Variants in FAM227A observed in about 807,000 individuals in gnomAD.
FAM227A encodes family with sequence similarity 227 member A, also known as protein FAM227A.
In FAM227A, 80 loss-of-function variants were observed where a neutral mutation model predicts 74.7. That is an observed-to-expected ratio of 1.07 (90% CI 0.89 to 1.29). The LOEUF is 1.29. Ranked by LOEUF, FAM227A falls within the 50% of genes most tolerant of loss-of-function variation. FAM227A has a pLI of 0.00. For missense variants in FAM227A, 654 were observed against 683.4 expected, an observed-to-expected ratio of 0.96 and a Z score of 0.48; for synonymous variants, 237 against 241.8, an observed-to-expected ratio of 0.98 and a Z score of 0.19.
chr22:38,596,666 T>C (rs984314008), intron 15 of FAM227A, among the ~76,000 whole-genome samples: 1 of 151,460 alleles, frequency 6.6e-6, no homozygotes, highest in Non-Finnish European at 1.5e-5. Context: ...GACAGTTCAG[T>C]GTACTATCCT....
At chr22:38,612,519 G>A (rs2091434600) in intron 11 of FAM227A, among the ~76,000 whole-genome samples, 1 of 152,056 alleles carries the variant, frequency 6.6e-6, no homozygotes, top group Non-Finnish European at 1.5e-5. Flanking sequence ...GGTATCTTCT[G>A]GGGTCATTAC....
At chr22:38,630,630 T>A (rs529158940) in intron 6 of FAM227A, among the ~76,000 whole-genome samples, 1 of 152,340 alleles carries the variant, frequency 6.6e-6, no homozygotes, top group South Asian at 2.1e-4. Flanking sequence ...ACTGATTGTT[T>A]ATTCATTCAC....
chr22:38,626,131 A>C, intron 9 of FAM227A, 49 bp downstream of exon 9: 4 of 1,545,522 alleles, frequency 2.6e-6, no homozygotes, highest in Non-Finnish European at 3.5e-6. Context: ...GCCAGCGGAA[A>C]ACATTTTTCT....
At chr22:38,595,275 A>C (rs1268055876) in intron 15 of FAM227A, among the ~76,000 whole-genome samples, 2 of 152,184 alleles carry the variant, frequency 1.3e-5, no homozygotes, top group Non-Finnish European at 2.9e-5. Flanking sequence ...TTGGACAACA[A>C]AGTGCCCAGT....
chr22:38,642,662 G>A (rs2092141703), intron 3 of FAM227A, among the ~76,000 whole-genome samples: 1 of 152,208 alleles, frequency 6.6e-6, no homozygotes, highest in African/African-American at 2.4e-5. Flanking sequence ...GAGGCCGGGC[G>A]TGGTGGCTCA....
At position 38,628,941 on chromosome 22, in the gene FAM227A, A is replaced by G. The variant is rs553931988; in HGVS notation, c.520-6T>C. On this transcript the variant is annotated splice_polypyrimidine_tract_variant and splice_region_variant and intron_variant, in intron 6 of 16. Transcript: ENST00000535113. ...TCTCTACCTGAACAGAAATGCTTGG[A>G]AAAAAAAATTCACAGTATTATTATT... 36 of 1,415,024 alleles carry G rather than the reference A, an allele frequency of 2.5e-5. No homozygotes were observed. The highest frequency in any genetic ancestry group is 9.2e-5 in the South Asian group (7 of 75,704). The allele number at this position is 1,415,024 out of a possible 1,614,324, so 87.7% of individuals were successfully genotyped here. A position where few individuals can be genotyped will look rare whatever the true frequency, so the allele number is the denominator to read the frequency against.
At chr22:38,601,342 A>G (rs995241713) in intron 13 of FAM227A, among the ~76,000 whole-genome samples, 1 of 151,632 alleles carries the variant, frequency 6.6e-6, no homozygotes, top group Non-Finnish European at 1.5e-5. Context: ...GGGAAGGTCT[A>G]TCAGGAGTTG....
intron 10 of FAM227A, among the ~76,000 whole-genome samples, chr22:38,621,364 G>A (rs1441358624): frequency 1.8e-4 from 21 of 116,054 alleles, no homozygotes; most frequent in African/African-American, 1.9e-4. Context: ...AAAAAAAAAA[G>A]AAAGAAAAGA....
At chr22:38,608,028 G>C (rs2091323857) in intron 11 of FAM227A, among the ~76,000 whole-genome samples, 1 of 152,016 alleles carries the variant, frequency 6.6e-6, no homozygotes, top group Non-Finnish European at 1.5e-5. Flanking sequence ...TCCCCGATTT[G>C]TTATAGAGAG....
intron 6 of FAM227A, among the ~76,000 whole-genome samples, chr22:38,630,256 G>A (rs182712578): frequency 6.6e-6 from 1 of 152,362 alleles, no homozygotes; most frequent in East Asian, 1.9e-4. Flanking sequence ...CTCCGCACAG[G>A]TAAGATCGAC....
intron 1 of FAM227A, among the ~76,000 whole-genome samples, chr22:38,651,761 C>T (rs1228459358): frequency 2.6e-5 from 4 of 151,504 alleles, no homozygotes; most frequent in Non-Finnish European, 5.9e-5. Flanking sequence ...AGAAAACTAG[C>T]TTCCTTAAAT....
At chr22:38,639,558 C>T in intron 4 of FAM227A, 97 bp downstream of exon 4, 1 of 1,143,928 alleles carries the variant, frequency 8.7e-7, no homozygotes, top group East Asian at 2.6e-5. Flanking sequence ...CAGAAACATC[C>T]TCATCTGAAA....
chr22:38,645,795 C>CT (rs2092225381), intron 2 of FAM227A, 150 bp from the exon 3 acceptor site: 1 of 595,726 alleles, frequency 1.7e-6, no homozygotes, highest in South Asian at 2.2e-5. Flanking sequence ...TTCTTTCTTC[C>CT]TTTTTTCTGA....
Position 38,644,376 on chromosome 22 carries a change from A to G in FAM227A, c.225+1187T>C, listed in dbSNP as rs555373921. Among the ~76,000 whole-genome samples, 12 of 151,504 alleles carry G rather than the reference A, an allele frequency of 7.9e-5. No individual in the cohort carries two copies. In the East Asian group the frequency reaches 2.3e-3, roughly 29 times the overall value. On this transcript the variant is annotated intron_variant, in intron 3 of 16. Coordinates refer to ENST00000535113, the MANE Select transcript of FAM227A (RefSeq NM_001013647.2). ...GGACAGCGAAACTATGCTGTGTGAC[A>G]CTACAATGGTAGATACATGTCATTA...
intron 11 of FAM227A, among the ~76,000 whole-genome samples, chr22:38,618,142 T>C (rs984468427): frequency 1.3e-5 from 2 of 152,172 alleles, no homozygotes; most frequent in African/African-American, 4.8e-5. Flanking sequence ...CATCCCAAAA[T>C]AGGCCACTTT....
chr22:38,598,243 T>C (rs979447254), intron 14 of FAM227A, among the ~76,000 whole-genome samples: 1 of 152,152 alleles, frequency 6.6e-6, no homozygotes, highest in Non-Finnish European at 1.5e-5. Context: ...ATAATCCTGG[T>C]AGTTATTTAT....
chr22:38,643,780 T>C (rs1420875591), intron 3 of FAM227A, among the ~76,000 whole-genome samples: 3 of 152,016 alleles, frequency 2.0e-5, no homozygotes, highest in Admixed American at 1.3e-4. Context: ...AAATAAACCA[T>C]GGTACGTTCA....
intron 13 of FAM227A, among the ~76,000 whole-genome samples, chr22:38,604,964 A>G (rs988361369): frequency 6.6e-6 from 1 of 151,930 alleles, no homozygotes; most frequent in South Asian, 2.1e-4. Flanking sequence ...TTATTTTTTT[A>G]TTATTGTTAT....
intron 8 of FAM227A, 34 bp from the exon 9 acceptor site, chr22:38,626,337 A>G: frequency 1.9e-6 from 3 of 1,540,034 alleles, no homozygotes; most frequent in Non-Finnish European, 2.6e-6. Context: ...CAACGTTCTC[A>G]ACATTTCCAC....
Sources: allele counts gnomAD v4.1 joint callset (sites outside exome capture counted in the v4.1 genomes callset), GRCh38; gene constraint gnomAD v4.1.1; transcripts MANE v1.5; gene names NCBI Gene and HGNC (gene_info 2026-07-23, HGNC 2026-07-21).